The following CHD4 variants were observed in gnomAD, a reference collection of about 807,000 sequenced individuals.
The protein encoded by CHD4 is chromodomain helicase DNA binding protein 4.
CHD4 carries 35 observed loss-of-function variants against 235.5 expected under a neutral mutation model. The observed-to-expected ratio is 0.15, with a 90% CI of 0.11 to 0.20. The LOEUF is 0.20. Ranked by LOEUF, CHD4 falls within the 10% of genes least tolerant of loss-of-function variation. The pLI is 1.00. For missense variants in CHD4, 1,329 were observed against 2,432.3 expected (o/e 0.55, Z 9.54); for synonymous variants, 900 against 850.2 (o/e 1.06, Z -1.02).
chr12:6,599,584 C>T (rs564295433), intron 10 of CHD4, among the ~76,000 whole-genome samples, 189 bp downstream of exon 10: 1 of 152,184 alleles, frequency 6.6e-6, no homozygotes, highest in Non-Finnish European at 1.5e-5. Context: ...AAAACATCAA[C>T]TCCTCAGTTT....
rs906891732 is a variant in CHD4, at chr12:6,570,612, G to A, written c.*64C>T. The stretch of plus-strand genomic sequence containing the variant: ...GGTCTCTCAGGCCCCCAGGGGAGAA[G>A]CTGGGACAAGAGAAAGTGAGGAAGG... On this transcript the variant is annotated 3_prime_UTR_variant, in exon 40 of 40. Coordinates refer to ENST00000544040, the MANE Select transcript of CHD4 (RefSeq NM_001273.5). 54 of 1,600,034 alleles carry A rather than the reference G, an allele frequency of 3.4e-5. No individual in the cohort carries two copies. Among genetic ancestry groups the A allele is most frequent in the Non-Finnish European group, 4.1e-5 (48 of 1,167,542 alleles).
intron 1 of CHD4, 108 bp from the exon 2 acceptor site, chr12:6,606,559 G>A: frequency 2.0e-6 from 1 of 496,666 alleles, no homozygotes; most frequent in Non-Finnish European, 3.5e-6. Flanking sequence ...CCCTAGCAGG[G>A]CACCCGAACC....
chr12:6,582,972 A>G (rs1443383993), intron 27 of CHD4, 36 bp from the exon 28 acceptor site: 1 of 1,609,424 alleles, frequency 6.2e-7, no homozygotes, highest in Admixed American at 1.7e-5. Flanking sequence ...TGACACAGGT[A>G]GGATATTAAA....
rs1421575822 is a variant in CHD4 at position 6,601,545 on chromosome 12, C to T, written c.558-15G>A. The T allele has an allele frequency of 1.9e-6, 3 of 1,613,994 alleles. No individual in the cohort carries two copies. Among genetic ancestry groups the T allele is most frequent in the Admixed American group, 3.3e-5 (2 of 60,004 alleles). On this transcript the variant is annotated splice_polypyrimidine_tract_variant and intron_variant, in intron 5 of 39. Transcript: ENST00000544040. ...CAATGAGGGGTCTGGTGGAGAAATG[C>T]ACAAGAGCAGAGGGAAAGGTTTAAG... is the stretch of plus-strand genomic sequence containing the variant.
Position 6,601,422 on chromosome 12 carries a change from A to C in CHD4, c.666T>G (p.Ser222=). Residue 222 remains serine (S), a synonymous_variant, in exon 6 of 40, where the codon TCT becomes TCG. Coordinates refer to ENST00000544040, the MANE Select transcript of CHD4 (RefSeq NM_001273.5). ...CTGCCGCAGCTGCCACTGATGCCCC[A>C]GAACTGCCTTTGAAGGGGTTATTGG... is the stretch of plus-strand genomic sequence containing the variant. The part of the protein sequence containing the change: ...FSTNNPFKGS[S]GASVAAAAAA... 3.1e-6 allele frequency: 5 copies of C among 1,614,206 alleles called. No homozygotes were observed. The highest frequency in any genetic ancestry group is 4.2e-6 in the Non-Finnish European group (5 of 1,180,032).
rs769183843 is a variant in CHD4 at position 6,577,957 on chromosome 12, T to A, written c.5229-40A>T. 36 of 1,612,394 alleles carry A rather than the reference T, an allele frequency of 2.2e-5. No individual in the cohort carries two copies. In the African/African-American group the frequency reaches 3.3e-4, roughly 15 times the overall value. On this transcript the variant is annotated intron_variant, in intron 36 of 39. Transcript: ENST00000544040. ...CTCAGGAAAAACAAAACAAGGAAAG[T>A]AAGAACCTCAAACTAAAAGACCTTC...
intron 12 of CHD4, among the ~76,000 whole-genome samples, chr12:6,597,576 C>G (rs1175299862): frequency 6.6e-6 from 1 of 152,066 alleles, no homozygotes; most frequent in Non-Finnish European, 1.5e-5. Flanking sequence ...CCAGCCTGGC[C>G]AGCAGAATGA....
chr12:6,602,771 C>T (rs1351734468), intron 2 of CHD4, among the ~76,000 whole-genome samples: 1 of 152,180 alleles, frequency 6.6e-6, no homozygotes, highest in Non-Finnish European at 1.5e-5. Flanking sequence ...CCTACCAGTC[C>T]TCTAGATGTT....
intron 38 of CHD4, 118 bp from the exon 39 acceptor site, chr12:6,571,150 C>T (rs1947961486): frequency 8.3e-7 from 1 of 1,204,800 alleles, no homozygotes; most frequent in Admixed American, 2.2e-5. Flanking sequence ...GTATTGTCTT[C>T]TGTCATCTGA....
At chr12:6,573,912 TA>T (rs1948022161) in intron 37 of CHD4, among the ~76,000 whole-genome samples, 2 of 139,896 alleles carry the variant, frequency 1.4e-5, no homozygotes, top group African/African-American at 6.2e-5. Context: ...TAACTGCAGC[TA>T]CTCAAGAGGT....
At chr12:6,592,599 G>C in intron 18 of CHD4, 33 bp from the exon 19 acceptor site, 1 of 1,582,558 alleles carries the variant, frequency 6.3e-7, no homozygotes, top group South Asian at 1.1e-5. Flanking sequence ...AGTTATTGGA[G>C]AAGGAGAAAG....
At position 6,581,543 on chromosome 12, in the gene CHD4, C is replaced by T. The variant is rs372129689; in HGVS notation, c.4681+106G>A. The T allele has an allele frequency of 6.7e-5, 105 of 1,558,984 alleles. 1 individual carries two copies. In the African/African-American group the frequency reaches 1.2e-3, roughly 18 times the overall value. On this transcript the variant is annotated intron_variant, in intron 31 of 39. Transcript: ENST00000544040. The stretch of plus-strand genomic sequence containing the variant: ...GCCCTCCTAAACTGAGAGGGAATTG[C>T]TGTGTGTCCTGCCAGACTACCCTGT...
chr12:6,600,472 G>T (rs1565617473), intron 8 of CHD4, 62 bp downstream of exon 8: 6 of 1,599,894 alleles, frequency 3.8e-6, no homozygotes, highest in Non-Finnish European at 4.3e-6. Flanking sequence ...ATCTCCTTAG[G>T]GAGATTCTTC....
intron 1 of CHD4, 61 bp from the exon 2 acceptor site, chr12:6,606,512 C>G: frequency 1.9e-6 from 1 of 524,206 alleles, no homozygotes; most frequent in South Asian, 2.6e-5. Flanking sequence ...CCCCCTCCCC[C>G]ACACCCACCC....
chr12:6,606,319 C>T lies in CHD4; in HGVS notation c.55G>A (p.Asp19Asn), dbSNP rs374378695. Residue 19 changes from aspartate to asparagine, a missense_variant, in exon 2 of 40, where the codon GAT (aspartate) becomes AAT (asparagine). Asp to Asn is a conservative substitution (Grantham distance 23). This residue lies in a region of CHD4 where 213 missense variants were observed against 177.5 expected (regional missense o/e 1.20). Transcript: ENST00000544040. Reference sequence around the variant, plus strand: ...CTGTTGTTCAAAAGTGCATCCATATCCTCCTCCTCACTGCCCGCCGAGCAG... The same window carrying T: ...CTGTTGTTCAAAAGTGCATCCATATTCTCCTCCTCACTGCCCGCCGAGCAG... ...SPCSAGSEEE[D>N]MDALLNNSLP... 15 of 1,575,420 alleles carry T rather than the reference C, an allele frequency of 9.5e-6. No homozygotes were observed. Among genetic ancestry groups the T allele is most frequent in the African/African-American group, 2.8e-5 (2 of 71,728 alleles).
chr12:6,572,937 G>T, intron 38 of CHD4, 137 bp downstream of exon 38: 2 of 803,590 alleles, frequency 2.5e-6, no homozygotes, highest in Non-Finnish European at 1.9e-6. Flanking sequence ...AACCTCCCAA[G>T]GATGGCAAAG....
Position 6,587,898 on chromosome 12 carries a change from G to A in CHD4, c.3517C>T (p.Arg1173Trp), listed in dbSNP as rs1948327010. Reference protein sequence around the residue: ...IGQNKKVMIYRFVTRASVEER... With the variant: ...IGQNKKVMIYWFVTRASVEER... ...TCCACTGACGCACGGGTCACAAACC[G>A]GTAGATCATTACCTTTTTATTTTGC... Residue 1173 changes from arginine (R) to tryptophan (W), a missense_variant, in exon 24 of 40, where the codon CGG (arginine) becomes TGG (tryptophan). By Grantham distance (101) the Arg-to-Trp change is moderately radical. Transcript: ENST00000544040. 6.2e-7 allele frequency: 1 copy of A among 1,614,210 alleles called. No individual in the cohort carries two copies.
chr12:6,582,529 G>A, intron 29 of CHD4, 86 bp downstream of exon 29: 2 of 1,513,610 alleles, frequency 1.3e-6, no homozygotes, highest in Non-Finnish European at 1.8e-6. Flanking sequence ...CCACTTCCCT[G>A]CACGGCTAGG....
At chr12:6,580,651 A>T (rs1273273374) in intron 33 of CHD4, 1 of 176,578 alleles carries the variant, frequency 5.7e-6, no homozygotes, top group African/African-American at 2.5e-5. Flanking sequence ...AGGTTGCAGT[A>T]AGCCGAGATC....
Sources: allele counts gnomAD v4.1 joint callset (sites outside exome capture counted in the v4.1 genomes callset), GRCh38; gene constraint gnomAD v4.1.1; regional missense constraint gnomAD v4.1.1; transcripts MANE v1.5; gene names NCBI Gene and HGNC (gene_info 2026-07-23, HGNC 2026-07-21).